The following SEMA7A variants were observed in gnomAD, a reference collection of about 807,000 sequenced individuals.
The protein encoded by SEMA7A is semaphorin-7A.
In SEMA7A, 21 loss-of-function variants were observed where a neutral mutation model predicts 67.5. The observed-to-expected ratio is 0.31, with a 90% CI of 0.22 to 0.45. SEMA7A has a LOEUF of 0.45. Among genes scored for constraint, SEMA7A ranks in the 20% least tolerant of loss-of-function variants. The probability of loss-of-function intolerance (pLI) is 1.00; values close to 1 mark genes in which losing one functional copy is unlikely to be tolerated. For synonymous variants in SEMA7A, 364 were observed against 368.5 expected, an observed-to-expected ratio of 0.99 and a Z score of 0.14; for missense variants, 774 against 908.6, an observed-to-expected ratio of 0.85 and a Z score of 1.90.
chr15:74,427,373 G>A, intron 1 of SEMA7A: 1 of 985,390 alleles, frequency 1.0e-6, no homozygotes, highest in Non-Finnish European at 1.2e-6. Flanking sequence ...CAGATTCCTG[G>A]GCCACCAATG....
chr15:74,415,911 A>G lies in SEMA7A; in HGVS notation c.876T>C (p.Ser292=). Residue 292 remains serine (S), a synonymous_variant, in exon 8 of 14, where the codon AGT becomes AGC. Transcript: ENST00000261918. ...NTFLKAMLVC[S]DAATNKNFNR... ...TGAAGTTCTTGTTGGTGGCAGCATC[A>G]CTGCATACCAGCATGGCTTTCAGAA... The G allele has an allele frequency of 4.3e-6, 7 of 1,614,144 alleles. No individual in the cohort carries two copies. The highest frequency in any genetic ancestry group is 5.1e-6 in the Non-Finnish European group (6 of 1,179,990).
chr15:74,419,623 G>A (rs1442791688), intron 1 of SEMA7A, among the ~76,000 whole-genome samples: 1 of 152,168 alleles, frequency 6.6e-6, no homozygotes, highest in Non-Finnish European at 1.5e-5. Context: ...GCAGCCCAAG[G>A]GCACACGGAA....
At chr15:74,418,220 C>G (rs1158736160) in intron 3 of SEMA7A, 48 bp downstream of exon 3, 1 of 1,576,970 alleles carries the variant, frequency 6.3e-7, no homozygotes, top group Non-Finnish European at 8.7e-7. Context: ...GGTCTCCTCT[C>G]CCTTTACCAA....
chr15:74,418,106 A>G, intron 3 of SEMA7A, 137 bp from the exon 4 acceptor site: 3 of 1,174,522 alleles, frequency 2.6e-6, no homozygotes, highest in Non-Finnish European at 2.5e-6. Flanking sequence ...GGGACAGCCC[A>G]GAGTGTGTGC....
rs200894892 is a variant in SEMA7A, at chr15:74,411,583, C to T, written c.1550G>A (p.Arg517His). ...RDPYCGWDQGRCISIYSSERS... is the reference protein window; with the variant it reads ...RDPYCGWDQGHCISIYSSERS... ...TTCGGAGCTGTAGATGGAGATGCAG[C>T]GGCCTTGGTCCCAGCCGCAGTAGGG... The change falls in exon 12 of 14, where the codon CGC (arginine) becomes CAC (histidine). Residue 517 changes from arginine (R) to histidine (H), a missense_variant. Physicochemically the swap from Arg to His is conservative, Grantham distance 29 (BLOSUM62 0). Coordinates refer to ENST00000261918, the MANE Select transcript of SEMA7A (RefSeq NM_003612.5). This position sits in a 1 kb window ranked among gnomAD's most constrained non-coding sequence, Gnocchi z 4.4. 37 of 1,581,126 alleles carry T rather than the reference C, an allele frequency of 2.3e-5. No individual in the cohort carries two copies. The highest frequency in any genetic ancestry group is 2.8e-5 in the Non-Finnish European group (33 of 1,162,592).
intron 8 of SEMA7A, 67 bp from the exon 9 acceptor site, chr15:74,415,013 G>T: frequency 7.4e-7 from 1 of 1,352,072 alleles, no homozygotes; most frequent in Non-Finnish European, 1.0e-6. Context: ...CACTCACCCA[G>T]GCCAGCCTTG....
rs1004881586 is a variant in SEMA7A at position 74,423,949 on chromosome 15, C to A, written c.179-4997G>T. On this transcript the variant is annotated intron_variant, in intron 1 of 13. Transcript: ENST00000261918. This position sits in a 1 kb window ranked among gnomAD's most constrained non-coding sequence, Gnocchi z 4.1. The stretch of plus-strand genomic sequence containing the variant: ...GTTAGGTTCTAGATTAGCTAGTCGC[C>A]TGGCAGGGGCAGAGCCTGTGTGCTG... Among the ~76,000 whole-genome samples the A allele has an allele frequency of 6.6e-6, 1 of 152,186 alleles. No individual in the cohort carries two copies. Among genetic ancestry groups the A allele is most frequent in the African/African-American group, 2.4e-5 (1 of 41,416 alleles).
Position 74,411,153 on chromosome 15 carries a change from G to T in SEMA7A, c.1639+142C>A. 10 of 1,322,276 alleles carry T rather than the reference G, an allele frequency of 7.6e-6. No individual in the cohort carries two copies. The highest frequency in any genetic ancestry group is 2.4e-4 in the Middle Eastern group (1 of 4,220). 81.9% of individuals were successfully genotyped at this position (1,322,276 alleles called of 1,614,324 possible). A position where few individuals can be genotyped will look rare whatever the true frequency, so the allele number is the denominator to read the frequency against. On this transcript the variant is annotated intron_variant, in intron 13 of 13. Transcript: ENST00000261918. This position sits in a 1 kb window ranked among gnomAD's most constrained non-coding sequence, Gnocchi z 4.4. ...CCCGTCTCGCTCATCCCACCAAGAG[G>T]GCTCCCTCTGCAGGACTGTATCCTG... is the stretch of plus-strand genomic sequence containing the variant.
At chr15:74,430,225 GAA>G (rs1341917636) in intron 1 of SEMA7A, among the ~76,000 whole-genome samples, 1 of 152,088 alleles carries the variant, frequency 6.6e-6, no homozygotes, top group East Asian at 1.9e-4. Context: ...GCCCACGAGA[GAA>G]AAAGATAGGA....
rs1279043934 is a variant in SEMA7A, at chr15:74,409,588, G to C, written c.*1036C>G. ...ATGGAAGCACAGCCCCTGGGGAAGG[G>C]GGCTGAGAGGAAGGGAGGAGGCCCC... On this transcript the variant is annotated 3_prime_UTR_variant, in exon 14 of 14. Transcript: ENST00000261918. The C allele has an allele frequency of 4.6e-5, 7 of 152,344 alleles. No individual in the cohort carries two copies. Among genetic ancestry groups the C allele is most frequent in the Admixed American group, 4.6e-4 (7 of 15,294 alleles). The allele number at this position is 152,344 out of a possible 1,614,324, so 9.4% of individuals were successfully genotyped here. A position where few individuals can be genotyped will look rare whatever the true frequency, so the allele number is the denominator to read the frequency against.
chr15:74,416,535 GCA>G, intron 7 of SEMA7A, 38 bp downstream of exon 7: 1 of 1,604,848 alleles, frequency 6.2e-7, no homozygotes. Context: ...GCCTATTCAT[GCA>G]CAGACACGTA....
In SEMA7A at chr15:74,418,129, C is replaced by T. The variant is rs1596192496; in HGVS notation, c.372+139G>A. ...CCAGAGTGTGTGCAGCTGACGCCAT[C>T]CCCTAAGCACAGAGGACCACGTCTC... On this transcript the variant is annotated intron_variant, in intron 3 of 13. Transcript: ENST00000261918. 3.5e-6 allele frequency: 4 copies of T among 1,146,628 alleles called. No individual in the cohort carries two copies. The East Asian group carries it at 7.4e-5, about 21-fold the overall frequency. 71.0% of individuals were successfully genotyped at this position (1,146,628 alleles called of 1,614,324 possible). A position where few individuals can be genotyped will look rare whatever the true frequency, so the allele number is the denominator to read the frequency against.
Position 74,411,254 on chromosome 15 carries a change from A to G in SEMA7A, c.1639+41T>C. On this transcript the variant is annotated intron_variant, in intron 13 of 13. Coordinates refer to ENST00000261918, the MANE Select transcript of SEMA7A (RefSeq NM_003612.5). The surrounding 1 kb of genome is among the most constrained non-coding windows in gnomAD (Gnocchi z 4.4). ...GACAATCAGGGCAGGGCAGTACCCCACTCATTGGGCCACAGCCGCCAGCAG... is the reference window on the plus strand; with the variant it reads ...GACAATCAGGGCAGGGCAGTACCCCGCTCATTGGGCCACAGCCGCCAGCAG... 6.3e-7 allele frequency: 1 copy of G among 1,598,272 alleles called. No homozygotes were observed. Among genetic ancestry groups the G allele is most frequent in the Non-Finnish European group, 8.6e-7 (1 of 1,168,538 alleles).
At chr15:74,433,552 GC>G (rs2061112086) in intron 1 of SEMA7A, 188 bp downstream of exon 1, 1 of 1,215,090 alleles carries the variant, frequency 8.2e-7, no homozygotes, top group Non-Finnish European at 1.0e-6. Context: ...GTTACAGCCG[GC>G]TCTGGTGTGC....
rs199606827 is a variant in SEMA7A at position 74,410,849 on chromosome 15, C to T, written c.1776G>A (p.Gln592=). Residue 592 remains glutamine (Q), a synonymous_variant, in exon 14 of 14, where the codon CAG becomes CAA. Coordinates refer to ENST00000261918, the MANE Select transcript of SEMA7A (RefSeq NM_003612.5). The surrounding 1 kb of genome is among the most constrained non-coding windows in gnomAD (Gnocchi z 7.5). ...NVEQSCEPGH[Q]SPNCILFIEN... ...CGATGAACAGGATGCAGTTGGGGCT[C>T]TGGTGACCAGGTTCGCAGCTCTGCT... The T allele has an allele frequency of 4.3e-6, 7 of 1,614,244 alleles. No homozygotes were observed. The highest frequency in any genetic ancestry group is 2.2e-5 in the East Asian group (1 of 44,886).
chr15:74,433,857 G>A lies in SEMA7A; in HGVS notation c.62C>T (p.Pro21Leu), dbSNP rs1481812163. 3 of 1,290,998 alleles carry A rather than the reference G, an allele frequency of 2.3e-6. No homozygotes were observed. Among genetic ancestry groups the A allele is most frequent in the Admixed American group, 4.2e-5 (1 of 23,916 alleles). The allele number at this position is 1,290,998 out of a possible 1,614,324, so 80.0% of individuals were successfully genotyped here. ...CAGCGGAAGCCCCAACCGAGCCGGC[G>A]GGCCAGGGACGCGGGCGCGCGGTGC... ...PSAPRARVPGPPARLGLPLRL... is the reference protein window; with the variant it reads ...PSAPRARVPGLPARLGLPLRL... Residue 21 changes from proline (P) to leucine (L), a missense_variant, in exon 1 of 14, where the codon CCG becomes CTG. Around this residue, in one of 2 missense-constraint regions of SEMA7A, gnomAD observed 347 missense variants for 353.2 expected, o/e 0.98. Transcript: ENST00000261918.
chr15:74,430,038 T>G (rs1448763872), intron 1 of SEMA7A, among the ~76,000 whole-genome samples: 5 of 152,086 alleles, frequency 3.3e-5, no homozygotes, highest in African/African-American at 1.2e-4. Flanking sequence ...CCCATCTACA[T>G]CTACACTGAG....
chr15:74,411,187 A>C lies in SEMA7A; in HGVS notation c.1639+108T>G, dbSNP rs1034242747. On this transcript the variant is annotated intron_variant, in intron 13 of 13. Coordinates refer to ENST00000261918, the MANE Select transcript of SEMA7A (RefSeq NM_003612.5). This position sits in a 1 kb window ranked among gnomAD's most constrained non-coding sequence, Gnocchi z 4.4. ...TGCAGGACTGTATCCTGCCCCATGT[A>C]CCTGGGGCCCACAGGACAAGGCCAT... is the stretch of plus-strand genomic sequence containing the variant. The C allele has an allele frequency of 1.7e-4, 235 of 1,368,808 alleles. No individual in the cohort carries two copies. The highest frequency in any genetic ancestry group is 2.2e-4 in the Non-Finnish European group (224 of 998,928). The allele number at this position is 1,368,808 out of a possible 1,614,324, so 84.8% of individuals were successfully genotyped here. A position where few individuals can be genotyped will look rare whatever the true frequency, so the allele number is the denominator to read the frequency against.
chr15:74,430,149 T>C (rs889556785), intron 1 of SEMA7A, among the ~76,000 whole-genome samples: 5 of 152,168 alleles, frequency 3.3e-5, no homozygotes, highest in African/African-American at 1.2e-4. Context: ...GTTTGCTGAA[T>C]GAATATGTCC....
Sources: gnomAD v4.1 joint callset for allele counts (sites outside exome capture counted in the v4.1 genomes callset) on GRCh38, gnomAD v4.1.1 for gene constraint, gnomAD v4.1.1 regional missense constraint, Gnocchi (gnomAD v3.1) non-coding constraint, MANE v1.5 for transcripts, NCBI Gene and HGNC (gene_info 2026-07-23, HGNC 2026-07-21) for gene names.